The following DRC11 variants were observed in gnomAD, a reference collection of about 807,000 sequenced individuals.
DRC11 encodes IQ and AAA domain-containing protein 1.
chr2:236,483,831 C>T, the DRC11 span, among the ~76,000 whole-genome samples: 1 of 152,298 alleles, frequency 6.6e-6, no homozygotes, highest in East Asian at 1.9e-4. The surrounding 1 kb of genome is among the most constrained non-coding windows in gnomAD (Gnocchi z 4.8). Context: ...TTTAGTTATA[C>T]TTAATACCAC....
At chr2:236,459,520 T>TGTATAC in the DRC11 span, among the ~76,000 whole-genome samples, 282 of 114,004 alleles carry the variant, frequency 2.5e-3, 1 homozygote, top group Middle Eastern at 0.019. Flanking sequence ...TACGTATACA[T>TGTATAC]GTATACATGT....
chr2:236,341,220 G>A, the DRC11 span, among the ~76,000 whole-genome samples: 49 of 152,362 alleles, frequency 3.2e-4, no homozygotes, highest in Non-Finnish European at 5.9e-4. Flanking sequence ...TCAGGGAGGC[G>A]CTTGCTAGAT....
the DRC11 span, among the ~76,000 whole-genome samples, chr2:236,410,596 T>A: frequency 1.3e-5 from 2 of 150,772 alleles, no homozygotes; most frequent in Admixed American, 1.3e-4. Flanking sequence ...AAGTCAATCC[T>A]AAGCCAAAAG....
the DRC11 span, chr2:236,338,197 G>T: frequency 5.6e-6 from 9 of 1,612,080 alleles, no homozygotes; most frequent in African/African-American, 9.3e-5. Flanking sequence ...GGGGCTGGGG[G>T]TACTTGCCGT....
At chr2:236,345,840 A>G in the DRC11 span, among the ~76,000 whole-genome samples, 14 of 152,252 alleles carry the variant, frequency 9.2e-5, no homozygotes, top group Non-Finnish European at 1.5e-4. Context: ...TTCTTAAAAC[A>G]TCATTAAGGC....
chr2:236,441,283 GGT>G, the DRC11 span, among the ~76,000 whole-genome samples: 1 of 152,116 alleles, frequency 6.6e-6, no homozygotes. Context: ...AGAAACTGAA[GGT>G]ACTGATTACA....
At chr2:236,459,572 T>TATAC in the DRC11 span, among the ~76,000 whole-genome samples, 3 of 137,084 alleles carry the variant, frequency 2.2e-5, no homozygotes, top group African/African-American at 7.8e-5. Flanking sequence ...TATATATGTG[T>TATAC]ATACATACGT....
At chr2:236,357,469 T>G in the DRC11 span, among the ~76,000 whole-genome samples, 8 of 126,900 alleles carry the variant, frequency 6.3e-5, no homozygotes, top group South Asian at 2.3e-4. Context: ...ATTTACATAT[T>G]ACATGTATAT....
At chr2:236,423,276 G>A in the DRC11 span, among the ~76,000 whole-genome samples, 6 of 151,018 alleles carry the variant, frequency 4.0e-5, no homozygotes, top group Middle Eastern at 3.4e-3. Context: ...CCTACAGAAT[G>A]GGAGAAAATT....
chr2:236,352,969 C>T, the DRC11 span, among the ~76,000 whole-genome samples: 3 of 152,116 alleles, frequency 2.0e-5, no homozygotes, highest in African/African-American at 7.2e-5. This position sits in a 1 kb window ranked among gnomAD's most constrained non-coding sequence, Gnocchi z 7.0. Context: ...CACTGCCCCC[C>T]CAGGGGTTCC....
At chr2:236,317,545 G>T in the DRC11 span, among the ~76,000 whole-genome samples, 5 of 152,162 alleles carry the variant, frequency 3.3e-5, no homozygotes, top group East Asian at 9.6e-4. The surrounding 1 kb of genome is among the most constrained non-coding windows in gnomAD (Gnocchi z 5.4). Context: ...CAGGACAATA[G>T]TTGCCTTTGC....
At chr2:236,376,428 T>C in the DRC11 span, among the ~76,000 whole-genome samples, 2 of 152,220 alleles carry the variant, frequency 1.3e-5, no homozygotes, top group Non-Finnish European at 2.9e-5. The surrounding 1 kb of genome is among the most constrained non-coding windows in gnomAD (Gnocchi z 5.7). Flanking sequence ...GTTCACTGTA[T>C]ATTAGGTAAC....
chr2:236,357,456 T>C, the DRC11 span, among the ~76,000 whole-genome samples: 1 of 126,972 alleles, frequency 7.9e-6, no homozygotes, highest in Admixed American at 8.4e-5. Flanking sequence ...ATAAATTATA[T>C]ATATTTACAT....
the DRC11 span, chr2:236,465,541 A>G: frequency 6.2e-7 from 1 of 1,613,982 alleles, no homozygotes; most frequent in Non-Finnish European, 8.5e-7. The surrounding 1 kb of genome is among the most constrained non-coding windows in gnomAD (Gnocchi z 6.2). Flanking sequence ...CTGGTCTTGA[A>G]GGTTCTCCTT....
the DRC11 span, among the ~76,000 whole-genome samples, chr2:236,415,986 C>CT: frequency 3.4e-4 from 51 of 150,926 alleles, no homozygotes; most frequent in East Asian, 3.9e-4. The surrounding 1 kb of genome is among the most constrained non-coding windows in gnomAD (Gnocchi z 5.7). Flanking sequence ...ATTCAGGGGG[C>CT]TTTTTTTTTC....
the DRC11 span, among the ~76,000 whole-genome samples, chr2:236,428,558 C>T: frequency 6.6e-6 from 1 of 152,042 alleles, no homozygotes; most frequent in Non-Finnish European, 1.5e-5. Flanking sequence ...GTTACCCCTG[C>T]TTTCTTTTGG....
chr2:236,393,486 T>C, the DRC11 span, among the ~76,000 whole-genome samples: 3 of 152,046 alleles, frequency 2.0e-5, no homozygotes, highest in Non-Finnish European at 4.4e-5. The surrounding 1 kb of genome is among the most constrained non-coding windows in gnomAD (Gnocchi z 4.7). Context: ...AGGAAAGTCA[T>C]AGTCACAGAC....
the DRC11 span, among the ~76,000 whole-genome samples, chr2:236,429,358 C>A: frequency 6.6e-6 from 1 of 152,214 alleles, no homozygotes; most frequent in African/African-American, 2.4e-5. This position sits in a 1 kb window ranked among gnomAD's most constrained non-coding sequence, Gnocchi z 5.9. Context: ...TCAACACCAT[C>A]TGCATGCATG....
chr2:236,421,102 G>T, the DRC11 span, among the ~76,000 whole-genome samples: 6 of 152,082 alleles, frequency 3.9e-5, no homozygotes, highest in Non-Finnish European at 7.4e-5. Context: ...TAATTCAGGA[G>T]CAGGTTGTTC....
Sources: gnomAD v4.1 joint callset for allele counts (sites outside exome capture counted in the v4.1 genomes callset) on GRCh38, gnomAD v4.1.1 for gene constraint, Gnocchi (gnomAD v3.1) non-coding constraint, MANE v1.5 for transcripts, NCBI Gene and HGNC (gene_info 2026-07-23, HGNC 2026-07-21) for gene names.